CAMK2D: variants seen among roughly 807,000 people sequenced by gnomAD.
The protein encoded by CAMK2D is calcium/calmodulin dependent protein kinase II delta, also known as calcium/calmodulin-dependent protein kinase type II subunit delta.
In CAMK2D, 37 loss-of-function variants were observed where a neutral mutation model predicts 84.0. The ratio of observed to expected loss-of-function variants is 0.44; its 90% confidence interval spans 0.34 to 0.58. The LOEUF is 0.58. Ranked by LOEUF, CAMK2D falls within the 20% of genes least tolerant of loss-of-function variation. The probability of loss-of-function intolerance (pLI) is 0.02; values close to 1 mark genes in which losing one functional copy is unlikely to be tolerated. For missense variants in CAMK2D, 448 were observed against 652.5 expected (o/e 0.69, Z 3.41); for synonymous variants, 202 against 212.5 (o/e 0.95, Z 0.43).
At chr4:113,580,943 GA>G (rs1043118672) in intron 4 of CAMK2D, among the ~76,000 whole-genome samples, 5 of 151,318 alleles carry the variant, frequency 3.3e-5, no homozygotes, top group African/African-American at 1.2e-4. Context: ...GAGAATATTA[GA>G]AAAAATAGCT....
intron 16 of CAMK2D, among the ~76,000 whole-genome samples, chr4:113,488,252 A>G (rs1230352766): frequency 1.3e-5 from 2 of 152,210 alleles, no homozygotes; most frequent in Non-Finnish European, 2.9e-5. Context: ...TAACTATATT[A>G]TAAAGTAAAT....
At chr4:113,669,558 C>G (rs1209982570) in intron 2 of CAMK2D, among the ~76,000 whole-genome samples, 2 of 145,496 alleles carry the variant, frequency 1.4e-5, no homozygotes, top group African/African-American at 2.6e-5. Flanking sequence ...GCAGGAAACT[C>G]TGATTATACC....
intron 3 of CAMK2D, among the ~76,000 whole-genome samples, chr4:113,635,302 T>C (rs942640864): frequency 3.3e-5 from 5 of 152,200 alleles, no homozygotes; most frequent in African/African-American, 1.2e-4. Context: ...TGATATATTA[T>C]AATAATTTGA....
chr4:113,455,666 G>A (rs2154099364), intron 20 of CAMK2D, 60 bp downstream of exon 20: 5 of 902,720 alleles, frequency 5.5e-6, no homozygotes, highest in Non-Finnish European at 8.9e-6. Flanking sequence ...AAGGAAAACA[G>A]CCATGCAGCT....
intron 5 of CAMK2D, among the ~76,000 whole-genome samples, chr4:113,549,168 G>C (rs1338003253): frequency 6.6e-6 from 1 of 152,130 alleles, no homozygotes; most frequent in Non-Finnish European, 1.5e-5. Context: ...TGAAACAAGA[G>C]GGTAAACACA....
chr4:113,667,325 C>A (rs2099261533), intron 2 of CAMK2D, among the ~76,000 whole-genome samples: 1 of 151,970 alleles, frequency 6.6e-6, no homozygotes, highest in African/African-American at 2.4e-5. Context: ...GGATGGATGC[C>A]CCTTCTTTTT....
intron 4 of CAMK2D, among the ~76,000 whole-genome samples, chr4:113,606,078 A>T (rs1027046601): frequency 2.0e-5 from 3 of 152,166 alleles, no homozygotes; most frequent in Non-Finnish European, 4.4e-5. Flanking sequence ...TTATGAACAC[A>T]CTTGAAACAA....
intron 17 of CAMK2D, among the ~76,000 whole-genome samples, chr4:113,462,266 A>AT (rs1491187659): frequency 1.8e-5 from 2 of 109,870 alleles, no homozygotes; most frequent in Non-Finnish European, 3.7e-5. Flanking sequence ...ATATTTGGAA[A>AT]TGTGTGTGTG....
At chr4:113,554,459 T>A (rs955497685) in intron 4 of CAMK2D, among the ~76,000 whole-genome samples, 2 of 152,118 alleles carry the variant, frequency 1.3e-5, no homozygotes, top group Non-Finnish European at 2.9e-5. Context: ...TTTAGACAAA[T>A]TTGAGGGGTG....
chr4:113,751,394 A>C (rs2099616890), intron 2 of CAMK2D, among the ~76,000 whole-genome samples: 1 of 152,224 alleles, frequency 6.6e-6, no homozygotes, highest in Admixed American at 6.5e-5. Flanking sequence ...AATTTTGATA[A>C]ATTTTCACTT....
At chr4:113,549,428 T>C (rs2098607628) in intron 5 of CAMK2D, among the ~76,000 whole-genome samples, 1 of 152,208 alleles carries the variant, frequency 6.6e-6, no homozygotes, top group Non-Finnish European at 1.5e-5. Flanking sequence ...GGAGCATTGG[T>C]AATTATTAAA....
intron 3 of CAMK2D, among the ~76,000 whole-genome samples, chr4:113,648,234 GAAT>G (rs2099159145): frequency 1.3e-5 from 2 of 152,070 alleles, no homozygotes; most frequent in Admixed American, 6.5e-5. Context: ...TATTCATCTA[GAAT>G]AAAAATTTAG....
chr4:113,671,454 T>C (rs981067568), intron 2 of CAMK2D, among the ~76,000 whole-genome samples: 2 of 152,236 alleles, frequency 1.3e-5, no homozygotes, highest in African/African-American at 4.8e-5. Flanking sequence ...TATGTTTTCA[T>C]AAAAGTTGCA....
chr4:113,679,185 GA>G (rs796090542), intron 2 of CAMK2D, among the ~76,000 whole-genome samples: 61 of 149,344 alleles, frequency 4.1e-4, no homozygotes, highest in African/African-American at 1.2e-3. Flanking sequence ...ATGGAAAGGT[GA>G]AAAAAAAATA....
intron 2 of CAMK2D, among the ~76,000 whole-genome samples, chr4:113,670,934 A>G (rs1355822361): frequency 2.0e-5 from 3 of 152,182 alleles, no homozygotes; most frequent in Non-Finnish European, 2.9e-5. Context: ...TCTCAAAAAA[A>G]AAAAGATAAA....
chr4:113,619,225 A>C (rs935624973), intron 3 of CAMK2D, among the ~76,000 whole-genome samples: 1 of 85,214 alleles, frequency 1.2e-5, no homozygotes, highest in Non-Finnish European at 2.0e-5. Flanking sequence ...TGGAATATAC[A>C]TACATATATA....
intron 2 of CAMK2D, 123 bp from the exon 3 acceptor site, chr4:113,661,895 AATG>A (rs1190149486): frequency 1.5e-5 from 9 of 594,580 alleles, no homozygotes; most frequent in African/African-American, 1.5e-4. Context: ...ATTTTGAAAC[AATG>A]ATAATTCAAA....
At position 113,646,763 on chromosome 4, in the gene CAMK2D, A is replaced by C. The variant is rs548575216; in HGVS notation, c.220+14950T>G. Among the ~76,000 whole-genome samples, 4 of 152,336 alleles carry C rather than the reference A, an allele frequency of 2.6e-5. No individual in the cohort carries two copies. In the South Asian group the frequency reaches 8.3e-4, roughly 32 times the overall value. On this transcript the variant is annotated intron_variant, in intron 3 of 20. Coordinates refer to ENST00000511664, the MANE Select transcript of CAMK2D (RefSeq NM_001321571.2). ...GAAGGCCTTGCAAGCCTTGCATGCC[A>C]TCCCCTCGTTCTCTGAGTGCAGTGG... is the stretch of plus-strand genomic sequence containing the variant.
intron 4 of CAMK2D, among the ~76,000 whole-genome samples, chr4:113,575,295 C>T (rs2098775335): frequency 6.6e-6 from 1 of 152,100 alleles, no homozygotes; most frequent in Non-Finnish European, 1.5e-5. Context: ...AAATGTAAAA[C>T]AATTAAAGAA....
Sources: gnomAD v4.1 joint callset for allele counts (sites outside exome capture counted in the v4.1 genomes callset) on GRCh38, gnomAD v4.1.1 for gene constraint, MANE v1.5 for transcripts, NCBI Gene and HGNC (gene_info 2026-07-23, HGNC 2026-07-21) for gene names.